Variants in KIAA1217 observed in about 807,000 individuals in gnomAD.
The protein encoded by KIAA1217 is KIAA1217.
A neutral mutation model predicts 163.9 loss-of-function variants in KIAA1217; 88 were observed. That is an observed-to-expected ratio of 0.54 (90% CI 0.45 to 0.64). The LOEUF is 0.64. Among genes scored for constraint, KIAA1217 ranks in the 30% least tolerant of loss-of-function variants. The probability of loss-of-function intolerance (pLI) is 0.00; values close to 1 mark genes in which losing one functional copy is unlikely to be tolerated. For missense variants in KIAA1217, 2,372 were observed against 2,475.0 expected, an observed-to-expected ratio of 0.96 and a Z score of 0.88; for synonymous variants, 903 against 923.1, an observed-to-expected ratio of 0.98 and a Z score of 0.39.
intron 3 of KIAA1217, among the ~76,000 whole-genome samples, chr10:24,428,022 G>A (rs1389527805): frequency 6.6e-6 from 1 of 152,062 alleles, no homozygotes; most frequent in Non-Finnish European, 1.5e-5. Flanking sequence ...GCACCAGCCA[G>A]ACCCTGAGGT....
intron 1 of KIAA1217, among the ~76,000 whole-genome samples, chr10:23,728,113 T>A (rs1290427614): frequency 6.6e-6 from 1 of 152,144 alleles, no homozygotes; most frequent in African/African-American, 2.4e-5. Context: ...AACATACATG[T>A]GCGTGTATCT....
chr10:24,167,986 A>C (rs748849622), intron 2 of KIAA1217, among the ~76,000 whole-genome samples: 14 of 152,182 alleles, frequency 9.2e-5, no homozygotes, highest in South Asian at 2.1e-4. Flanking sequence ...CAGAGCCCTC[A>C]CGAAAACATC....
chr10:24,536,395 AAAG>A (rs1185407979), intron 16 of KIAA1217, among the ~76,000 whole-genome samples: 1 of 152,224 alleles, frequency 6.6e-6, no homozygotes, highest in Non-Finnish European at 1.5e-5. Flanking sequence ...ACTCATAAAA[AAAG>A]AGGAATAAAA....
chr10:24,016,855 A>T (rs991557748), intron 2 of KIAA1217, among the ~76,000 whole-genome samples: 3 of 152,080 alleles, frequency 2.0e-5, no homozygotes, highest in African/African-American at 7.2e-5. Flanking sequence ...AAGCATTTAA[A>T]AAAAACGTGC....
chr10:23,891,259 A>G (rs1022740105), intron 1 of KIAA1217, among the ~76,000 whole-genome samples: 2 of 151,982 alleles, frequency 1.3e-5, no homozygotes, highest in Admixed American at 6.6e-5. Context: ...ATTGTGTTTA[A>G]GATACATCTT....
At chr10:24,142,064 A>AT (rs1190599148) in intron 2 of KIAA1217, among the ~76,000 whole-genome samples, 7 of 136,304 alleles carry the variant, frequency 5.1e-5, no homozygotes, top group Non-Finnish European at 8.2e-5. Flanking sequence ...TGTTAATGAG[A>AT]TTTTTTTGTT....
chr10:24,059,086 A>T (rs1471281296), intron 2 of KIAA1217, among the ~76,000 whole-genome samples: 3 of 152,176 alleles, frequency 2.0e-5, no homozygotes, highest in Non-Finnish European at 4.4e-5. Flanking sequence ...AGTTTTTATC[A>T]TGAAGGTTTC....
At chr10:24,427,957 A>G (rs988058368) in intron 3 of KIAA1217, among the ~76,000 whole-genome samples, 13 of 152,216 alleles carry the variant, frequency 8.5e-5, no homozygotes, top group Non-Finnish European at 1.8e-4. Context: ...CATTTTTCCC[A>G]TCCTGCCTGG....
At chr10:24,083,222 C>T (rs1564679378) in intron 2 of KIAA1217, among the ~76,000 whole-genome samples, 1 of 152,162 alleles carries the variant, frequency 6.6e-6, no homozygotes, top group Non-Finnish European at 1.5e-5. Flanking sequence ...GCTAAGGGGC[C>T]TTCTCAGGGA....
chr10:23,705,526 C>A (rs1489619619), intron 1 of KIAA1217, among the ~76,000 whole-genome samples: 2 of 152,024 alleles, frequency 1.3e-5, no homozygotes, highest in Non-Finnish European at 2.9e-5. Flanking sequence ...TTCTTGACAG[C>A]CTTGTTGAAA....
chr10:23,695,091 GC>G lies in KIAA1217; in HGVS notation c.-461del, dbSNP rs1390639348. ...CCAGACTCGGGCCCCCGGCACGCTC[GC>G]CCGGGAGATACCCCTTCCCCCTCTT... On this transcript the variant is annotated 5_prime_UTR_variant, in exon 1 of 19. Transcript: ENST00000376462. The surrounding 1 kb of genome is among the most constrained non-coding windows in gnomAD (Gnocchi z 4.9). 6.6e-6 allele frequency: 1 copy of G among 152,308 alleles called. No homozygotes were observed. The highest frequency in any genetic ancestry group is 2.4e-5 in the African/African-American group (1 of 41,464). The allele number at this position is 152,308 out of a possible 1,614,324, so 9.4% of individuals were successfully genotyped here.
chr10:24,319,897 C>T (rs1003655750), intron 2 of KIAA1217, among the ~76,000 whole-genome samples: 6 of 152,238 alleles, frequency 3.9e-5, no homozygotes, highest in African/African-American at 1.2e-4. Context: ...GTTCATATAT[C>T]TAGCTTTGTT....
chr10:24,301,194 C>G (rs1345498618), intron 2 of KIAA1217, among the ~76,000 whole-genome samples: 1 of 152,110 alleles, frequency 6.6e-6, no homozygotes, highest in African/African-American at 2.4e-5. Context: ...ATAAGTGCCC[C>G]CCTGCTCTCA....
intron 2 of KIAA1217, among the ~76,000 whole-genome samples, chr10:24,139,820 C>T (rs537306460): frequency 6.6e-6 from 1 of 152,194 alleles, no homozygotes; most frequent in Non-Finnish European, 1.5e-5. Context: ...GTACCAAGTC[C>T]TATATATACT....
At chr10:24,234,724 C>T (rs955125768) in intron 2 of KIAA1217, among the ~76,000 whole-genome samples, 1 of 149,582 alleles carries the variant, frequency 6.7e-6, no homozygotes, top group African/African-American at 2.5e-5. Flanking sequence ...CAGCCTAATT[C>T]GTTAAGTCTG....
At chr10:23,929,949 G>T (rs1009735744) in intron 1 of KIAA1217, among the ~76,000 whole-genome samples, 1 of 151,838 alleles carries the variant, frequency 6.6e-6, no homozygotes, top group African/African-American at 2.4e-5. Context: ...CTCTTTTTTT[G>T]GGAAATCTCT....
chr10:24,000,551 T>G (rs1326674276), intron 1 of KIAA1217, among the ~76,000 whole-genome samples: 2 of 152,206 alleles, frequency 1.3e-5, no homozygotes, highest in African/African-American at 4.8e-5. Context: ...TATAGCAGTA[T>G]GAGAACAGAC....
In KIAA1217 at chr10:23,790,574, C is replaced by T. The variant is rs1423823158; in HGVS notation, c.-321+95340C>T. Among the ~76,000 whole-genome samples, 4 of 117,360 alleles carry T rather than the reference C, an allele frequency of 3.4e-5. 1 individual carries two copies. In the Admixed American group the frequency reaches 3.6e-4, roughly 10 times the overall value. The allele number at this position is 117,360 out of a possible 152,430, so 77.0% of individuals were successfully genotyped here. On this transcript the variant is annotated intron_variant, in intron 1 of 18. Transcript: ENST00000376462. The stretch of plus-strand genomic sequence containing the variant: ...ATACATATGTACATATGTATATATA[C>T]ATATGTATATGTACATATATACATG...
intron 8 of KIAA1217, among the ~76,000 whole-genome samples, chr10:24,499,499 G>A (rs940926614): frequency 1.3e-5 from 2 of 152,190 alleles, no homozygotes; most frequent in African/African-American, 2.4e-5. Context: ...TTGGGAGGCC[G>A]AGGCAGGTGG....
Sources: gnomAD v4.1 joint callset for allele counts (sites outside exome capture counted in the v4.1 genomes callset) on GRCh38, gnomAD v4.1.1 for gene constraint, Gnocchi (gnomAD v3.1) non-coding constraint, MANE v1.5 for transcripts, NCBI Gene and HGNC (gene_info 2026-07-23, HGNC 2026-07-21) for gene names.